The following MSRB3 variants were observed in gnomAD, a reference collection of about 807,000 sequenced individuals.
MSRB3 encodes methionine-R-sulfoxide reductase B3.
In MSRB3, 13 loss-of-function variants were observed where a neutral mutation model predicts 21.0. That is an observed-to-expected ratio of 0.62 (90% confidence interval 0.40 to 0.98). The LOEUF (loss-of-function observed/expected upper bound fraction) is 0.98, where lower values mean the gene tolerates loss of function less well. Ranked by LOEUF, MSRB3 falls within the 50% of genes least tolerant of loss-of-function variation. The pLI is 0.00. For synonymous variants in MSRB3, 87 were observed against 88.6 expected, an observed-to-expected ratio of 0.98 and a Z score of 0.10; for missense variants, 199 against 230.3, an observed-to-expected ratio of 0.86 and a Z score of 0.88.
At chr12:65,447,253 AC>A (rs145458508) in intron 5 of MSRB3, among the ~76,000 whole-genome samples, 2,272 of 152,262 alleles carry the variant, frequency 0.015, 28 homozygotes, top group Non-Finnish European at 0.023. Flanking sequence ...AGGATAACTG[AC>A]CTTGGCCTCC....
chr12:65,281,594 C>T (rs924100075), intron 1 of MSRB3: 1 of 152,230 alleles, frequency 6.6e-6, no homozygotes, highest in Non-Finnish European at 1.5e-5. Context: ...AAGCTTCTAT[C>T]ACTTTTTCTT....
intron 4 of MSRB3, among the ~76,000 whole-genome samples, chr12:65,356,981 C>T (rs1877420227): frequency 6.6e-6 from 1 of 151,738 alleles, no homozygotes; most frequent in Non-Finnish European, 1.5e-5. Context: ...AATCTAATAT[C>T]CTGTGTCGGA....
intron 4 of MSRB3, among the ~76,000 whole-genome samples, chr12:65,366,585 TAGAG>T (rs1234436269): frequency 1.3e-5 from 2 of 151,982 alleles, no homozygotes; most frequent in African/African-American, 4.8e-5. Flanking sequence ...AAAGTGAAGA[TAGAG>T]AGGAGGGGAG....
At chr12:65,291,815 A>G (rs1872681660) in intron 1 of MSRB3, among the ~76,000 whole-genome samples, 2 of 152,212 alleles carry the variant, frequency 1.3e-5, no homozygotes, top group African/African-American at 4.8e-5. Flanking sequence ...TGGGGCTTTT[A>G]GATCATTATG....
chr12:65,362,977 T>G (rs985663452), intron 4 of MSRB3, among the ~76,000 whole-genome samples: 1 of 152,230 alleles, frequency 6.6e-6, no homozygotes, highest in East Asian at 1.9e-4. Context: ...AATTTCCATG[T>G]GTTGAAGGGA....
intron 2 of MSRB3, among the ~76,000 whole-genome samples, chr12:65,310,011 A>G (rs1239412391): frequency 2.0e-5 from 3 of 152,192 alleles, no homozygotes; most frequent in Non-Finnish European, 4.4e-5. Flanking sequence ...TTGATTTAGT[A>G]TGGTAGGAGG....
At chr12:65,462,919 G>A (rs752593269) in intron 6 of MSRB3, among the ~76,000 whole-genome samples, 8 of 152,184 alleles carry the variant, frequency 5.3e-5, no homozygotes, top group African/African-American at 1.2e-4. Context: ...CAAAAAATAC[G>A]TGGCTCCTAA....
At chr12:65,363,453 C>T (rs1260212715) in intron 4 of MSRB3, among the ~76,000 whole-genome samples, 1 of 152,078 alleles carries the variant, frequency 6.6e-6, no homozygotes, top group Admixed American at 6.6e-5. Flanking sequence ...ATTTGCAACT[C>T]TATTATCAAA....
chr12:65,307,102 T>C (rs1873698185), intron 1 of MSRB3: 1 of 923,916 alleles, frequency 1.1e-6, no homozygotes, highest in Non-Finnish European at 1.3e-6. Context: ...TTATTTATAG[T>C]GTTGTGAGGT....
chr12:65,341,366 T>C (rs1271294384), intron 4 of MSRB3, among the ~76,000 whole-genome samples: 1 of 147,604 alleles, frequency 6.8e-6, no homozygotes, highest in African/African-American at 2.7e-5. Flanking sequence ...ACAGTTGAAC[T>C]CATGGAGAGA....
At chr12:65,461,255 G>A (rs1883317461) in intron 6 of MSRB3, among the ~76,000 whole-genome samples, 1 of 152,150 alleles carries the variant, frequency 6.6e-6, no homozygotes, top group Admixed American at 6.5e-5. Flanking sequence ...GGTGTTTCCT[G>A]TGTCCGTTGG....
chr12:65,419,013 C>T, intron 5 of MSRB3: 1 of 713,974 alleles, frequency 1.4e-6, no homozygotes, highest in Non-Finnish European at 2.5e-6. Context: ...GTTGCTCCAT[C>T]TGCAGGGTGT....
Position 65,292,496 on chromosome 12 carries a change from T to C in MSRB3, c.-52+13631T>C, listed in dbSNP as rs115932401. Among the ~76,000 whole-genome samples the C allele has an allele frequency of 3.7e-3, 567 of 152,286 alleles. 2 individuals carry two copies. The highest frequency in any genetic ancestry group is 0.014 in the Middle Eastern group (4 of 294). On this transcript the variant is annotated intron_variant, in intron 1 of 6. Coordinates refer to ENST00000308259, the MANE Select transcript of MSRB3 (RefSeq NM_001031679.3). Reference sequence around the variant, plus strand: ...ACAACACTTTCCTTGACCTCTCCTTTTTTTGGCCTCTGCTCCTTCTTGATC... The same window carrying C: ...ACAACACTTTCCTTGACCTCTCCTTCTTTTGGCCTCTGCTCCTTCTTGATC...
intron 5 of MSRB3, among the ~76,000 whole-genome samples, chr12:65,422,432 T>TATA (rs1565885205): frequency 6.2e-3 from 394 of 63,882 alleles, no homozygotes; most frequent in Non-Finnish European, 7.0e-3. Flanking sequence ...ATATATATAT[T>TATA]TATTTATTTA....
chr12:65,314,701 A>AG (rs1874184435), intron 2 of MSRB3, among the ~76,000 whole-genome samples: 1 of 152,178 alleles, frequency 6.6e-6, no homozygotes, highest in Non-Finnish European at 1.5e-5. Flanking sequence ...ATATACCTTA[A>AG]GAATTATAAA....
At chr12:65,349,326 G>C (rs935335606) in intron 4 of MSRB3, among the ~76,000 whole-genome samples, 15 of 151,856 alleles carry the variant, frequency 9.9e-5, no homozygotes, top group Non-Finnish European at 1.8e-4. Context: ...CATTTGGGTT[G>C]GTTCCAAGTC....
intron 2 of MSRB3, among the ~76,000 whole-genome samples, chr12:65,322,876 G>T (rs766076004): frequency 2.0e-5 from 3 of 152,052 alleles, no homozygotes; most frequent in Non-Finnish European, 4.4e-5. Flanking sequence ...TTATGTGAAA[G>T]TGCCTAGACA....
At chr12:65,453,090 A>T (rs2136701550) in intron 5 of MSRB3, among the ~76,000 whole-genome samples, 1 of 152,336 alleles carries the variant, frequency 6.6e-6, no homozygotes, top group East Asian at 1.9e-4. Context: ...CTTTGAGATA[A>T]GGTGCTGCCC....
chr12:65,419,372 G>A (rs1380415745), intron 5 of MSRB3: 10 of 754,760 alleles, frequency 1.3e-5, no homozygotes, highest in Non-Finnish European at 2.2e-5. Flanking sequence ...TCCTCTTCAT[G>A]GTTCTTCTTC....
Sources: allele counts gnomAD v4.1 joint callset (sites outside exome capture counted in the v4.1 genomes callset), GRCh38; gene constraint gnomAD v4.1.1; transcripts MANE v1.5; gene names NCBI Gene and HGNC (gene_info 2026-07-23, HGNC 2026-07-21).